ARHGAP39: variants seen among roughly 807,000 people sequenced by gnomAD.
ARHGAP39 encodes Rho GTPase activating protein 39, also known as rho GTPase-activating protein 39.
Under a neutral mutation model 106.9 loss-of-function variants are expected in ARHGAP39, and 44 were observed. That is an observed-to-expected ratio of 0.41 (90% CI 0.32 to 0.53). The LOEUF (loss-of-function observed/expected upper bound fraction) is 0.53. ARHGAP39 is among the 20% of genes least tolerant of loss of function. ARHGAP39 has a pLI of 0.21. For missense variants in ARHGAP39, 1,496 were observed against 1,577.3 expected (o/e 0.95, Z 0.87); for synonymous variants, 768 against 693.2 (o/e 1.11, Z -1.69).
Position 144,529,210 on chromosome 8 carries a change from C to T in ARHGAP39, c.*1212G>A, listed in dbSNP as rs937931851. The stretch of plus-strand genomic sequence containing the variant: ...CCATGTGCACTTTATTCACTCGTGT[C>T]GTCGCCTCTCGGGTCCATGCGTCGG... On this transcript the variant is annotated 3_prime_UTR_variant, in exon 12 of 12. Transcript: ENST00000377307. 6.2e-5 allele frequency: 18 copies of T among 292,236 alleles called. No individual in the cohort carries two copies. The East Asian group carries it at 9.0e-4, about 15-fold the overall frequency. The allele number at this position is 292,236 out of a possible 1,614,324, so 18.1% of individuals were successfully genotyped here.
intron 3 of ARHGAP39, among the ~76,000 whole-genome samples, chr8:144,574,749 C>T (rs1818712196): frequency 6.6e-6 from 1 of 152,208 alleles, no homozygotes; most frequent in African/African-American, 2.4e-5. Context: ...GTCTCAGCTA[C>T]TCAAGAGGCT....
At chr8:144,653,281 A>G (rs533073512) in intron 1 of ARHGAP39, among the ~76,000 whole-genome samples, 3 of 152,342 alleles carry the variant, frequency 2.0e-5, no homozygotes, top group Admixed American at 2.0e-4. Context: ...AGCCTGGGCA[A>G]CAAGAGTGAA....
intron 6 of ARHGAP39, among the ~76,000 whole-genome samples, chr8:144,541,043 G>C (rs1243625974): frequency 6.6e-6 from 1 of 152,078 alleles, no homozygotes; most frequent in Non-Finnish European, 1.5e-5. Context: ...GTAAAGATGG[G>C]GTTTCACCAT....
In ARHGAP39 at chr8:144,684,799, C is replaced by G. The variant is rs1267099745; in HGVS notation, c.-82+887G>C. Among the ~76,000 whole-genome samples, 5 of 152,172 alleles carry G rather than the reference C, an allele frequency of 3.3e-5. No individual in the cohort carries two copies. Among genetic ancestry groups the G allele is most frequent in the African/African-American group, 7.2e-5 (3 of 41,446 alleles). ...GCAACCGGGAGGGGAAGGCTCCGAG[C>G]GCCGGAGCCCCAGCCCGCGCCTGCC... On this transcript the variant is annotated intron_variant, in intron 1 of 11. Coordinates refer to ENST00000377307, the MANE Select transcript of ARHGAP39 (RefSeq NM_025251.3). The surrounding 1 kb of genome is among the most constrained non-coding windows in gnomAD (Gnocchi z 4.4).
chr8:144,686,062 G>A (rs1345837570), upstream of ARHGAP39, among the ~76,000 whole-genome samples: 1 of 151,994 alleles, frequency 6.6e-6, no homozygotes, highest in East Asian at 1.9e-4. Flanking sequence ...GAGGCCTCCC[G>A]CGCGGACCTA....
In ARHGAP39 at chr8:144,671,703, C is replaced by G. The variant is rs1038177707; in HGVS notation, c.-82+13983G>C. 6.6e-6 allele frequency among the ~76,000 whole-genome samples: 1 copy of G among 152,246 alleles called. No individual in the cohort carries two copies. Among genetic ancestry groups the G allele is most frequent in the African/African-American group, 2.4e-5 (1 of 41,466 alleles). Reference sequence around the variant, plus strand: ...AGCCTACCTGAACTCCACGCCCCTCCCGGCCAGCCACCCTAGGGTTCTCCC... The same window carrying G: ...AGCCTACCTGAACTCCACGCCCCTCGCGGCCAGCCACCCTAGGGTTCTCCC... On this transcript the variant is annotated intron_variant, in intron 1 of 11. Coordinates refer to ENST00000377307, the MANE Select transcript of ARHGAP39 (RefSeq NM_025251.3). This position sits in a 1 kb window ranked among gnomAD's most constrained non-coding sequence, Gnocchi z 4.5.
chr8:144,684,242 C>A lies in ARHGAP39; in HGVS notation c.-82+1444G>T, dbSNP rs553943976. 6.6e-6 allele frequency among the ~76,000 whole-genome samples: 1 copy of A among 152,146 alleles called. No individual in the cohort carries two copies. ...ATGGCTACAGAGCCTGCGCCCAGGG[C>A]GGTTTATGGAATGAGTCTCCTCGAT... On this transcript the variant is annotated intron_variant, in intron 1 of 11. Transcript: ENST00000377307. The surrounding 1 kb of genome is among the most constrained non-coding windows in gnomAD (Gnocchi z 4.4).
Position 144,545,757 on chromosome 8 carries a change from G to T in ARHGAP39, c.2013C>A (p.Ser671Arg), listed in dbSNP as rs779000818. Residue 671 changes from serine (S) to arginine (R), a missense_variant, in exon 6 of 12, where the codon AGC becomes AGA. Physicochemically the swap from Ser to Arg is moderately radical, Grantham distance 110 (BLOSUM62 -1). This residue lies in a region of ARHGAP39 where 905 missense variants were observed against 816.4 expected (regional missense o/e 1.11). Coordinates refer to ENST00000377307, the MANE Select transcript of ARHGAP39 (RefSeq NM_025251.3). Reference protein sequence around the residue: ...AQFESSRQSRSGVPSSSCVFP... With the variant: ...AQFESSRQSRRGVPSSSCVFP... ...AGACGCAGCTGGAGCTGGGAACGCC[G>T]CTGCGGCTCTGCCGGCTGCTCTCGA... is the stretch of plus-strand genomic sequence containing the variant. 1 of 1,606,270 alleles carries T rather than the reference G, an allele frequency of 6.2e-7. No individual in the cohort carries two copies. The highest frequency in any genetic ancestry group is 1.3e-5 in the African/African-American group (1 of 74,972).
At chr8:144,556,304 A>G (rs77353632) in intron 3 of ARHGAP39, among the ~76,000 whole-genome samples, 4 of 151,346 alleles carry the variant, frequency 2.6e-5, no homozygotes, top group Non-Finnish European at 5.9e-5. Context: ...AAAAAAAAAA[A>G]AGAAATACCC....
At position 144,529,885 on chromosome 8, in the gene ARHGAP39, C is replaced by T. The variant is rs906818499; in HGVS notation, c.*537G>A. On this transcript the variant is annotated 3_prime_UTR_variant, in exon 12 of 12. Transcript: ENST00000377307. ...ACCGAGAGCCTGCCAGGCCCCGGGC[C>T]CACTGTCCTGGAGCCCCCAAACTCC... 1.1e-4 allele frequency: 17 copies of T among 152,576 alleles called. No individual in the cohort carries two copies. Among genetic ancestry groups the T allele is most frequent in the Admixed American group, 9.8e-4 (15 of 15,300 alleles). 9.5% of individuals were successfully genotyped at this position (152,576 alleles called of 1,614,324 possible).
At chr8:144,601,078 G>A (rs2130931958) in intron 2 of ARHGAP39, among the ~76,000 whole-genome samples, 1 of 146,650 alleles carries the variant, frequency 6.8e-6, no homozygotes, top group East Asian at 2.1e-4. Context: ...TCGTGTACCT[G>A]TGTGCATGTG....
At chr8:144,602,202 GGCGT>G (rs1820021442) in intron 2 of ARHGAP39, among the ~76,000 whole-genome samples, 1 of 134,838 alleles carries the variant, frequency 7.4e-6, no homozygotes, top group African/African-American at 2.8e-5. Flanking sequence ...TGTGCATGGA[GGCGT>G]GCGTGCGAGC....
intron 1 of ARHGAP39, 189 bp from the exon 2 acceptor site, chr8:144,605,884 C>A: frequency 2.0e-6 from 1 of 504,004 alleles, no homozygotes; most frequent in Non-Finnish European, 3.6e-6. Context: ...TGCAGCGAAG[C>A]CTGGCCAGCC....
In ARHGAP39 at chr8:144,605,572, C is replaced by G. The variant is rs200377993; in HGVS notation, c.43G>C (p.Asp15His). ...QDYECRSHNV[D>H]LPESRIPGSN... ...CCTGGAATCCTCGACTCCGGCAGGT[C>G]GACATTATGGCTCCTGCACTCGTAG... is the stretch of plus-strand genomic sequence containing the variant. Residue 15 changes from aspartate to histidine, a missense_variant, in exon 2 of 12, where the codon GAC becomes CAC. By Grantham distance (81) the Asp-to-His change is moderately conservative. Transcript: ENST00000377307. The G allele has an allele frequency of 8.2e-5, 132 of 1,613,920 alleles. No individual in the cohort carries two copies. The Admixed American group carries it at 1.1e-3, about 13-fold the overall frequency.
intron 2 of ARHGAP39, among the ~76,000 whole-genome samples, chr8:144,601,597 C>A (rs533398331): frequency 3.3e-5 from 4 of 119,632 alleles, no homozygotes; most frequent in Non-Finnish European, 5.1e-5. Flanking sequence ...GGTGTGTGTG[C>A]GAGCTCATGT....
In ARHGAP39 at chr8:144,530,848, G is replaced by A; in HGVS notation, c.3004C>T (p.Arg1002Trp). The A allele has an allele frequency of 1.2e-6, 2 of 1,610,296 alleles. No individual in the cohort carries two copies. The highest frequency in any genetic ancestry group is 2.2e-5 in the East Asian group (1 of 44,840). Residue 1002 changes from arginine to tryptophan, a missense_variant, in exon 11 of 12, where the codon CGG becomes TGG. Coordinates refer to ENST00000377307, the MANE Select transcript of ARHGAP39 (RefSeq NM_025251.3). ...VPASLLKLWY[R>W]ELEEPLIPHE... is the part of the protein sequence containing the mutation. ...GGGATCAGGGGCTCCTCCAGCTCCCGGTACCACAGCTTCAGCAGGGACGCT... is the reference window on the plus strand; with the variant it reads ...GGGATCAGGGGCTCCTCCAGCTCCCAGTACCACAGCTTCAGCAGGGACGCT...
intron 1 of ARHGAP39, among the ~76,000 whole-genome samples, chr8:144,611,073 C>T (rs1017786995): frequency 2.0e-5 from 3 of 152,222 alleles, no homozygotes; most frequent in Admixed American, 6.5e-5. Context: ...CCCACCTTTG[C>T]CTCCCAAAGT....
In ARHGAP39 at chr8:144,628,851, T is replaced by C. The variant is rs532382715; in HGVS notation, c.-81-23156A>G. ...TGCCCCACCCTGTCACCGCTGTGCCTGGGCGGGACTCATGCGATTCTTGTG... is the reference window on the plus strand; with the variant it reads ...TGCCCCACCCTGTCACCGCTGTGCCCGGGCGGGACTCATGCGATTCTTGTG... On this transcript the variant is annotated intron_variant, in intron 1 of 11. Transcript: ENST00000377307. Among the ~76,000 whole-genome samples, 4 of 152,326 alleles carry C rather than the reference T, an allele frequency of 2.6e-5. No individual in the cohort carries two copies. The East Asian group carries it at 7.7e-4, about 29-fold the overall frequency.
chr8:144,591,560 T>A lies in ARHGAP39; in HGVS notation c.81-10283A>T, dbSNP rs577487085. Among the ~76,000 whole-genome samples, 1 of 152,018 alleles carries A rather than the reference T, an allele frequency of 6.6e-6. No individual in the cohort carries two copies. The highest frequency in any genetic ancestry group is 2.1e-4 in the South Asian group (1 of 4,818). ...CAGCCATGCGGAACCTCCTGGCTGG[T>A]CCACAGGGAGCAGGATGAAGGCTCC... On this transcript the variant is annotated intron_variant, in intron 2 of 11. Coordinates refer to ENST00000377307, the MANE Select transcript of ARHGAP39 (RefSeq NM_025251.3). The surrounding 1 kb of genome is among the most constrained non-coding windows in gnomAD (Gnocchi z 5.3).
Sources: gnomAD v4.1 joint callset for allele counts (sites outside exome capture counted in the v4.1 genomes callset) on GRCh38, gnomAD v4.1.1 for gene constraint, gnomAD v4.1.1 regional missense constraint, Gnocchi (gnomAD v3.1) non-coding constraint, MANE v1.5 for transcripts, NCBI Gene and HGNC (gene_info 2026-07-23, HGNC 2026-07-21) for gene names.